The following CYRIB variants were observed in gnomAD, a reference collection of about 807,000 sequenced individuals.
The protein encoded by CYRIB is CYFIP related Rac1 interactor B.
CYRIB carries 8 observed loss-of-function variants against 44.2 expected under a neutral mutation model. The observed-to-expected ratio is 0.18, with a 90% CI of 0.11 to 0.33. The LOEUF is 0.33. Ranked by LOEUF, CYRIB falls within the 10% of genes least tolerant of loss-of-function variation. The pLI is 1.00. For synonymous variants in CYRIB, 131 were observed against 127.2 expected, an observed-to-expected ratio of 1.03 and a Z score of -0.20; for missense variants, 185 against 382.8, an observed-to-expected ratio of 0.48 and a Z score of 4.31.
At chr8:129,934,028 G>A (rs1232624944) in intron 1 of CYRIB, among the ~76,000 whole-genome samples, 1 of 152,114 alleles carries the variant, frequency 6.6e-6, no homozygotes, top group Admixed American at 6.5e-5. Context: ...TACCTTTGGG[G>A]CCCCACAACC....
At chr8:129,896,130 C>T (rs921851487) in intron 2 of CYRIB, among the ~76,000 whole-genome samples, 2 of 152,126 alleles carry the variant, frequency 1.3e-5, no homozygotes, top group Non-Finnish European at 2.9e-5. Flanking sequence ...TTTGAAACTC[C>T]AGCCTAACAG....
chr8:129,994,180 A>C (rs1267556966), intron 1 of CYRIB, among the ~76,000 whole-genome samples: 1 of 152,218 alleles, frequency 6.6e-6, no homozygotes, highest in Admixed American at 6.5e-5. Flanking sequence ...AGACACACAC[A>C]CACAGGGAGA....
At chr8:129,994,337 C>T (rs1048060997) in intron 1 of CYRIB, among the ~76,000 whole-genome samples, 5 of 152,214 alleles carry the variant, frequency 3.3e-5, no homozygotes, top group Non-Finnish European at 5.9e-5. Context: ...CCGGCACCTT[C>T]GCCTTGGACT....
At chr8:129,880,306 C>G in intron 2 of CYRIB, 1 of 818,780 alleles carries the variant, frequency 1.2e-6, no homozygotes, top group South Asian at 5.6e-5. Flanking sequence ...CTGGCCTTCA[C>G]TGTGGTGAGT....
At chr8:130,007,227 C>T (rs376331202) in intron 1 of CYRIB, among the ~76,000 whole-genome samples, 76 of 152,250 alleles carry the variant, frequency 5.0e-4, no homozygotes, top group Admixed American at 1.0e-3. Flanking sequence ...AGAAAACCAC[C>T]GCCCTCTCCC....
intron 6 of CYRIB, 166 bp downstream of exon 8, chr8:129,855,437 TTTGCCATG>T (rs1372130928): frequency 1.8e-5 from 11 of 621,226 alleles, no homozygotes; most frequent in Admixed American, 1.3e-4. Context: ...TAATTTGCTC[TTTGCCATG>T]TATCAAAAGA....
chr8:129,982,510 A>C lies in CYRIB; in HGVS notation c.-295-11515T>G, dbSNP rs566639015. Among the ~76,000 whole-genome samples, 14 of 152,350 alleles carry C rather than the reference A, an allele frequency of 9.2e-5. No individual in the cohort carries two copies. In the South Asian group the frequency reaches 2.7e-3, roughly 29 times the overall value. ...GAATTAGTGTGCCATCACTGCACAC[A>C]GGGATGAACTTTAAAGCCAGACAGA... On this transcript the variant is annotated intron_variant, in intron 1 of 14. Coordinates refer to the CYRIB transcript ENST00000401979.
intron 2 of CYRIB, among the ~76,000 whole-genome samples, chr8:129,946,198 GATCCTGATTTGTTATT>G (rs2094128787): frequency 6.6e-6 from 1 of 152,122 alleles, no homozygotes; most frequent in Non-Finnish European, 1.5e-5. Context: ...AAATTTTTTA[GATCCTGATTTGTTATT>G]GCCCAATTGT....
Position 129,850,557 on chromosome 8 carries a change from C to T in CYRIB, c.713+278G>A, listed in dbSNP as rs112592232. On this transcript the variant is annotated intron_variant, in intron 9 of 11. Transcript: ENST00000519824. ...TACATCCCAGCCACCAAAACACCAC[C>T]ACCACTTCTGTTCTGAGAAGAGAAC... 1.2e-4 allele frequency: 48 copies of T among 390,024 alleles called. 1 individual carries two copies. The highest frequency in any genetic ancestry group is 9.3e-4 in the African/African-American group (44 of 47,060). The allele number at this position is 390,024 out of a possible 1,614,324, so 24.2% of individuals were successfully genotyped here.
At chr8:129,907,211 C>T (rs572409324) in intron 1 of CYRIB, among the ~76,000 whole-genome samples, 7 of 152,004 alleles carry the variant, frequency 4.6e-5, no homozygotes, top group Admixed American at 2.0e-4. Flanking sequence ...AAATGTCCAA[C>T]GATAGACTTG....
chr8:129,975,436 T>C (rs903937313), intron 1 of CYRIB, among the ~76,000 whole-genome samples: 4 of 152,266 alleles, frequency 2.6e-5, no homozygotes, highest in Non-Finnish European at 4.4e-5. Context: ...GACATATGTA[T>C]GTATTTCATT....
intron 3 of CYRIB, among the ~76,000 whole-genome samples, chr8:129,872,255 A>C (rs1427195050): frequency 2.6e-5 from 4 of 152,166 alleles, no homozygotes; most frequent in Admixed American, 2.0e-4. Context: ...TACTACTGAA[A>C]TTTTGAAATA....
At chr8:129,964,820 C>T (rs771795387) in intron 2 of CYRIB, among the ~76,000 whole-genome samples, 11 of 152,176 alleles carry the variant, frequency 7.2e-5, no homozygotes, top group East Asian at 3.8e-4. Flanking sequence ...GAGCCGTGAT[C>T]GTGCCACTGC....
At chr8:129,946,163 G>C (rs1351282481) in intron 2 of CYRIB, among the ~76,000 whole-genome samples, 2 of 152,174 alleles carry the variant, frequency 1.3e-5, no homozygotes, top group African/African-American at 4.8e-5. Context: ...TCCCTGGATT[G>C]TAATTACTGG....
rs781603079 is a variant in CYRIB at position 129,855,605 on chromosome 8, T to A, written c.438+6A>T. ...CGTAACAATCAGGGCCAATAGATAATTCTACCTTGAGTTCATCAAACCGGA... is the reference window on the plus strand; with the variant it reads ...CGTAACAATCAGGGCCAATAGATAAATCTACCTTGAGTTCATCAAACCGGA... On this transcript the variant is annotated splice_donor_region_variant and intron_variant, in intron 6 of 11. Coordinates refer to ENST00000519824, the Ensembl canonical transcript of CYRIB. The A allele has an allele frequency of 1.9e-6, 3 of 1,614,026 alleles. No homozygotes were observed. Among genetic ancestry groups the A allele is most frequent in the Non-Finnish European group, 2.5e-6 (3 of 1,179,970 alleles).
chr8:130,015,019 T>G (rs963977459), intron 1 of CYRIB, among the ~76,000 whole-genome samples: 2 of 152,240 alleles, frequency 1.3e-5, no homozygotes, highest in Non-Finnish European at 2.9e-5. Flanking sequence ...TTTCCCCCAG[T>G]GCAATCTTCC....
intron 4 of CYRIB, among the ~76,000 whole-genome samples, chr8:129,870,827 G>C (rs2056865347): frequency 6.6e-6 from 1 of 152,132 alleles, no homozygotes; most frequent in African/African-American, 2.4e-5. Context: ...AAAAAAGATA[G>C]AAGATTTAAT....
intron 1 of CYRIB, among the ~76,000 whole-genome samples, chr8:129,993,734 C>T (rs2096701092): frequency 6.6e-6 from 1 of 151,514 alleles, no homozygotes; most frequent in Admixed American, 6.6e-5. Context: ...TGGTGGTTCA[C>T]ACCAGTAGTC....
At chr8:130,011,582 C>T (rs1210516071) in intron 1 of CYRIB, among the ~76,000 whole-genome samples, 1 of 151,992 alleles carries the variant, frequency 6.6e-6, no homozygotes, top group Non-Finnish European at 1.5e-5. Context: ...CGTTGGGAGG[C>T]CGAGGCGGGC....
Sources: allele counts gnomAD v4.1 joint callset (sites outside exome capture counted in the v4.1 genomes callset), GRCh38; gene constraint gnomAD v4.1.1; transcripts MANE v1.5; gene names NCBI Gene and HGNC (gene_info 2026-07-23, HGNC 2026-07-21).